Variants in GPR153 observed in about 807,000 individuals in gnomAD.
GPR153 encodes the protein G protein-coupled receptor 153, also known as probable G protein-coupled receptor 153.
Under a neutral mutation model 34.1 loss-of-function variants are expected in GPR153, and 27 were observed. The ratio of observed to expected loss-of-function variants is 0.79; its 90% CI spans 0.58 to 1.09. The LOEUF (loss-of-function observed/expected upper bound fraction) is 1.09. Ranked by LOEUF, GPR153 falls within the 50% of genes least tolerant of loss-of-function variation. The probability of loss-of-function intolerance (pLI) is 0.00; values close to 1 mark genes in which losing one functional copy is unlikely to be tolerated. For missense variants in GPR153, 848 were observed against 860.2 expected, an observed-to-expected ratio of 0.99 and a Z score of 0.18; for synonymous variants, 408 against 405.4, an observed-to-expected ratio of 1.01 and a Z score of -0.08.
At chr1:6,254,237 C>G (rs895220227) in intron 2 of GPR153, 90 bp from the exon 3 acceptor site, 1 of 1,234,930 alleles carries the variant, frequency 8.1e-7, no homozygotes, top group African/African-American at 1.5e-5. Flanking sequence ...TCCGCACCAC[C>G]CAGGCACCCC....
chr1:6,254,993 G>A lies in GPR153; in HGVS notation c.-88C>T. 1.0e-6 allele frequency: 1 copy of A among 987,560 alleles called. No individual in the cohort carries two copies. Among genetic ancestry groups the A allele is most frequent in the Admixed American group, 3.1e-5 (1 of 32,374 alleles). 61.2% of individuals were successfully genotyped at this position (987,560 alleles called of 1,614,324 possible). Reference sequence around the variant, plus strand: ...GCAGCCCTCACTCCTGGTGGCTCAAGGATGCTGGGGACCACGAGCATCTGT... The same window carrying A: ...GCAGCCCTCACTCCTGGTGGCTCAAAGATGCTGGGGACCACGAGCATCTGT... On this transcript the variant is annotated 5_prime_UTR_variant, in exon 2 of 6. Transcript: ENST00000377893.
intron 1 of GPR153, among the ~76,000 whole-genome samples, chr1:6,259,539 C>T (rs977172341): frequency 6.6e-6 from 1 of 151,054 alleles, no homozygotes; most frequent in African/African-American, 2.5e-5. Context: ...CTTTCTGAGC[C>T]TCAGGTCTGC....
At chr1:6,260,236 C>A (rs1013811705) in intron 1 of GPR153, among the ~76,000 whole-genome samples, 18 of 152,114 alleles carry the variant, frequency 1.2e-4, no homozygotes, top group Non-Finnish European at 2.4e-4. Flanking sequence ...CGCCGGTCTC[C>A]GCCCGCGCTG....
At position 6,251,615 on chromosome 1, in the gene GPR153, A is replaced by G. The variant is rs1638451843; in HGVS notation, c.787-85T>C. The G allele has an allele frequency of 1.4e-6, 2 of 1,384,236 alleles. No individual in the cohort carries two copies. The highest frequency in any genetic ancestry group is 1.4e-5 in the African/African-American group (1 of 69,036). The allele number at this position is 1,384,236 out of a possible 1,614,324, so 85.7% of individuals were successfully genotyped here. A position where few individuals can be genotyped will look rare whatever the true frequency, so the allele number is the denominator to read the frequency against. ...CCTGAGTCTCGGTCTCCCCATGTGT[A>G]CGGCAGGTCTGACAGGTGGGTATCT... On this transcript the variant is annotated intron_variant, in intron 3 of 5. Coordinates refer to ENST00000377893, the MANE Select transcript of GPR153 (RefSeq NM_207370.4). This position sits in a 1 kb window ranked among gnomAD's most constrained non-coding sequence, Gnocchi z 4.9.
In GPR153 at chr1:6,248,413, TCATGGTGGGAGC is replaced by T. The variant is rs1455484096; in HGVS notation, c.*913_*924del. 2 of 152,032 alleles carry T rather than the reference TCATGGTGGGAGC, an allele frequency of 1.3e-5. No individual in the cohort carries two copies. Among genetic ancestry groups the T allele is most frequent in the Non-Finnish European group, 2.9e-5 (2 of 68,056 alleles). The allele number at this position is 152,032 out of a possible 1,614,324, so 9.4% of individuals were successfully genotyped here. On this transcript the variant is annotated 3_prime_UTR_variant, in exon 6 of 6. Transcript: ENST00000377893. The stretch of plus-strand genomic sequence containing the variant: ...TGCTCTCCGCTTGCACCTGCCAGCG[TCATGGTGGGAGC>T]CATGGAGGGAGATGATGTGGTGGGG...
rs1553152904 is a variant in GPR153 at position 6,255,647 on chromosome 1, T to TTG, written c.-109-634_-109-633insCA. Among the ~76,000 whole-genome samples, 87 of 119,136 alleles carry TTG rather than the reference T, an allele frequency of 7.3e-4. 1 individual carries two copies. The highest frequency in any genetic ancestry group is 2.8e-3 in the African/African-American group (72 of 26,130). 78.2% of individuals were successfully genotyped at this position (119,136 alleles called of 152,430 possible). On this transcript the variant is annotated intron_variant, in intron 1 of 5. Transcript: ENST00000377893. ...GCACCACTATGCCTGGCTACGTTTT[T>TTG]TTTTTTTTTTTTTTTTTTTTTTTGA...
chr1:6,255,922 G>T (rs1288305038), intron 1 of GPR153, among the ~76,000 whole-genome samples: 1 of 152,072 alleles, frequency 6.6e-6, no homozygotes, highest in Non-Finnish European at 1.5e-5. Flanking sequence ...AAAGTGCTGG[G>T]ATTATAGGTG....
At position 6,249,868 on chromosome 1, in the gene GPR153, C is replaced by T. The variant is rs990968676; in HGVS notation, c.1300G>A (p.Glu434Lys). 4.7e-6 allele frequency: 6 copies of T among 1,276,040 alleles called. No homozygotes were observed. Among genetic ancestry groups the T allele is most frequent in the East Asian group, 3.2e-5 (1 of 30,966 alleles). The allele number at this position is 1,276,040 out of a possible 1,614,324, so 79.0% of individuals were successfully genotyped here. Residue 434 changes from glutamate (E) to lysine (K), a missense_variant, in exon 6 of 6, where the codon GAG becomes AAG. Transcript: ENST00000377893. The surrounding 1 kb of genome is among the most constrained non-coding windows in gnomAD (Gnocchi z 4.3). The part of the protein sequence containing the change: ...LAHLVLPAGP[E>K]RRRASLLAFA... Reference sequence around the variant, plus strand: ...GCCAGGAGGCTGGCGCGGCGCCGCTCGGGCCCGGCAGGCAGCACCAGGTGC... The same window carrying T: ...GCCAGGAGGCTGGCGCGGCGCCGCTTGGGCCCGGCAGGCAGCACCAGGTGC...
At position 6,247,740 on chromosome 1, in the gene GPR153, C is replaced by T. The variant is rs551503842; in HGVS notation, c.*1598G>A. On this transcript the variant is annotated 3_prime_UTR_variant, in exon 6 of 6. Transcript: ENST00000377893. Reference sequence around the variant, plus strand: ...GGCTAGCTGGCGACCTCTGCCCCTACGTAACTTGTCAGTCCTTGAAGGCAC... The same window carrying T: ...GGCTAGCTGGCGACCTCTGCCCCTATGTAACTTGTCAGTCCTTGAAGGCAC... 2.0e-5 allele frequency: 3 copies of T among 152,408 alleles called. No individual in the cohort carries two copies. Among genetic ancestry groups the T allele is most frequent in the African/African-American group, 4.8e-5 (2 of 41,590 alleles). The allele number at this position is 152,408 out of a possible 1,614,324, so 9.4% of individuals were successfully genotyped here.
chr1:6,250,407 C>T, intron 5 of GPR153, 33 bp downstream of exon 5: 1 of 1,535,582 alleles, frequency 6.5e-7, no homozygotes, highest in Non-Finnish European at 8.8e-7. Context: ...CTGTCACCCG[C>T]AGGTGCGGCC....
chr1:6,257,194 C>T (rs1039592125), intron 1 of GPR153, among the ~76,000 whole-genome samples: 3 of 152,236 alleles, frequency 2.0e-5, no homozygotes, highest in Non-Finnish European at 2.9e-5. Context: ...CCTCACACAG[C>T]CCATGCCAGA....
At position 6,261,034 on chromosome 1, in the gene GPR153, T is replaced by G. The variant is rs1638668771; in HGVS notation, c.-319A>C. ...TCGGCCCCGCCGCCCCTCCCTCCCC[T>G]AGGCGCCGCCGCCGCCGCCGCGCTT... is the stretch of plus-strand genomic sequence containing the variant. On this transcript the variant is annotated 5_prime_UTR_variant, in exon 1 of 6. Coordinates refer to ENST00000377893, the MANE Select transcript of GPR153 (RefSeq NM_207370.4). The G allele has an allele frequency of 6.9e-6, 1 of 145,540 alleles. No individual in the cohort carries two copies. The allele number at this position is 145,540 out of a possible 1,614,324, so 9.0% of individuals were successfully genotyped here. A position where few individuals can be genotyped will look rare whatever the true frequency, so the allele number is the denominator to read the frequency against.
intron 3 of GPR153, among the ~76,000 whole-genome samples, chr1:6,252,387 ACTCC>A (rs1245693996): frequency 6.7e-6 from 1 of 149,942 alleles, no homozygotes; most frequent in East Asian, 2.0e-4. Context: ...GGTGGTTCTG[ACTCC>A]CTCCCAGCCC....
intron 1 of GPR153, among the ~76,000 whole-genome samples, chr1:6,260,589 G>C (rs61760840): frequency 0.61 from 91,712 of 151,522 alleles, 29,250 homozygotes; most frequent in Admixed American, 0.72. Context: ...CCCCTGAGAA[G>C]CCCAGGGGGC....
intron 1 of GPR153, among the ~76,000 whole-genome samples, chr1:6,260,426 T>C (rs1003067220): frequency 2.5e-5 from 3 of 119,792 alleles, no homozygotes; most frequent in Non-Finnish European, 4.9e-5. Context: ...TCTCGCCTGC[T>C]GGTCCCCAGT....
Position 6,249,261 on chromosome 1 carries a change from G to A in GPR153, c.*77C>T, listed in dbSNP as rs548260316. Reference sequence around the variant, plus strand: ...GTGGCGCATGTCTGCGCGCGGGGCGGAGGCGGGCGTCTTTGGTGCTGCGGC... The same window carrying A: ...GTGGCGCATGTCTGCGCGCGGGGCGAAGGCGGGCGTCTTTGGTGCTGCGGC... On this transcript the variant is annotated 3_prime_UTR_variant, in exon 6 of 6. Transcript: ENST00000377893. This position sits in a 1 kb window ranked among gnomAD's most constrained non-coding sequence, Gnocchi z 4.3. 3.0e-5 allele frequency: 32 copies of A among 1,081,400 alleles called. No individual in the cohort carries two copies. Among genetic ancestry groups the A allele is most frequent in the Non-Finnish European group, 3.8e-5 (32 of 849,990 alleles). 67.0% of individuals were successfully genotyped at this position (1,081,400 alleles called of 1,614,324 possible).
Position 6,251,665 on chromosome 1 carries a change from A to T in GPR153, c.787-135T>A. The T allele has an allele frequency of 9.8e-7, 1 of 1,022,438 alleles. No homozygotes were observed. Among genetic ancestry groups the T allele is most frequent in the Non-Finnish European group, 1.4e-6 (1 of 728,688 alleles). The allele number at this position is 1,022,438 out of a possible 1,614,324, so 63.3% of individuals were successfully genotyped here. ...TGCCAAGGAGAAGGGGCCCTTGGGG[A>T]GAAAAGAGCTGGAGCGTGGCAGTGG... On this transcript the variant is annotated intron_variant, in intron 3 of 5. Coordinates refer to ENST00000377893, the MANE Select transcript of GPR153 (RefSeq NM_207370.4). The surrounding 1 kb of genome is among the most constrained non-coding windows in gnomAD (Gnocchi z 4.9).
chr1:6,249,832 C>T lies in GPR153; in HGVS notation c.1336G>A (p.Asp446Asn). Residue 446 changes from aspartate (D) to asparagine (N), a missense_variant, in exon 6 of 6, where the codon GAC becomes AAC. By Grantham distance (23) the Asp-to-Asn change is conservative. Transcript: ENST00000377893. The surrounding 1 kb of genome is among the most constrained non-coding windows in gnomAD (Gnocchi z 4.3). The part of the protein sequence containing the change: ...RRASLLAFAE[D>N]APPSRARRRS... ...CGGCGCGCGCGGGACGGTGGTGCGT[C>T]CTCCGCGAAGGCCAGGAGGCTGGCG... 3.2e-6 allele frequency: 4 copies of T among 1,232,506 alleles called. No individual in the cohort carries two copies. The highest frequency in any genetic ancestry group is 4.1e-6 in the Non-Finnish European group (4 of 987,156). The allele number at this position is 1,232,506 out of a possible 1,614,324, so 76.3% of individuals were successfully genotyped here. A position where few individuals can be genotyped will look rare whatever the true frequency, so the allele number is the denominator to read the frequency against.
chr1:6,259,497 A>ATT (rs3035676), intron 1 of GPR153, among the ~76,000 whole-genome samples: 2,141 of 144,114 alleles, frequency 0.015, 31 homozygotes, highest in South Asian at 0.024. Context: ...GGAAAAGGGC[A>ATT]TTTTTTTTTT....
Sources: gnomAD v4.1 joint callset for allele counts (sites outside exome capture counted in the v4.1 genomes callset) on GRCh38, gnomAD v4.1.1 for gene constraint, Gnocchi (gnomAD v3.1) non-coding constraint, MANE v1.5 for transcripts, NCBI Gene and HGNC (gene_info 2026-07-23, HGNC 2026-07-21) for gene names.